The following KDM4C variants were observed in gnomAD, a reference collection of about 807,000 sequenced individuals.
KDM4C encodes lysine demethylase 4C, also known as lysine-specific demethylase 4C.
KDM4C carries 81 observed loss-of-function variants against 129.3 expected under a neutral mutation model. That is an observed-to-expected ratio of 0.63 (90% CI 0.52 to 0.75). The LOEUF (loss-of-function observed/expected upper bound fraction) is 0.75. Among genes scored for constraint, KDM4C ranks in the 30% least tolerant of loss-of-function variants. The probability of loss-of-function intolerance (pLI) is 0.00; values close to 1 mark genes in which losing one functional copy is unlikely to be tolerated. For missense variants in KDM4C, 1,457 were observed against 1,304.0 expected, an observed-to-expected ratio of 1.12 and a Z score of -1.81; for synonymous variants, 573 against 456.1, an observed-to-expected ratio of 1.26 and a Z score of -3.26.
At chr9:6,865,417 T>C (rs963390554) in intron 5 of KDM4C, among the ~76,000 whole-genome samples, 1 of 152,232 alleles carries the variant, frequency 6.6e-6, no homozygotes, top group East Asian at 1.9e-4. Context: ...AGCTTACATA[T>C]AGCTATGTTA....
intron 1 of KDM4C, among the ~76,000 whole-genome samples, chr9:6,763,168 C>T (rs1819920884): frequency 6.6e-6 from 1 of 152,154 alleles, no homozygotes; most frequent in Non-Finnish European, 1.5e-5. Flanking sequence ...GCTCCTGCTT[C>T]AAGGCTGCTT....
intron 4 of KDM4C, chr9:6,835,639 A>G (rs1835744463): frequency 1.3e-6 from 1 of 787,708 alleles, no homozygotes; most frequent in Non-Finnish European, 2.3e-6. Flanking sequence ...TGCAGAAAAC[A>G]AGATGAGATT....
At chr9:7,094,809 C>T (rs1256017867) in intron 17 of KDM4C, among the ~76,000 whole-genome samples, 1 of 152,148 alleles carries the variant, frequency 6.6e-6, no homozygotes, top group Non-Finnish European at 1.5e-5. Flanking sequence ...CATAAATTTC[C>T]TCAATGTGGG....
intron 12 of KDM4C, among the ~76,000 whole-genome samples, chr9:6,995,490 G>A (rs1321574884): frequency 6.6e-6 from 1 of 152,176 alleles, no homozygotes; most frequent in Non-Finnish European, 1.5e-5. Flanking sequence ...GCAATTCACT[G>A]AAACATTATG....
intron 5 of KDM4C, among the ~76,000 whole-genome samples, chr9:6,873,474 AAT>A (rs1255571989): frequency 6.6e-6 from 1 of 152,226 alleles, no homozygotes; most frequent in Non-Finnish European, 1.5e-5. Flanking sequence ...AATGTCTATT[AAT>A]ACATCAGCAG....
At chr9:6,928,542 A>G (rs865914783) in intron 8 of KDM4C, among the ~76,000 whole-genome samples, 7 of 150,542 alleles carry the variant, frequency 4.6e-5, no homozygotes, top group African/African-American at 7.3e-5. Flanking sequence ...GGGTAGTTCT[A>G]TTATCACTTC....
chr9:7,031,022 A>G (rs1587061504), intron 15 of KDM4C, among the ~76,000 whole-genome samples: 1 of 152,268 alleles, frequency 6.6e-6, no homozygotes, highest in South Asian at 2.1e-4. Context: ...TAATAAACAT[A>G]ACATTCTTTT....
chr9:6,907,464 A>G (rs183399573), intron 8 of KDM4C, among the ~76,000 whole-genome samples: 42 of 152,328 alleles, frequency 2.8e-4, no homozygotes, highest in Middle Eastern at 3.4e-3. Flanking sequence ...CTGTACATGT[A>G]GAGCTCTGGA....
intron 8 of KDM4C, among the ~76,000 whole-genome samples, chr9:6,918,321 C>G (rs1446219078): frequency 6.6e-6 from 1 of 152,178 alleles, no homozygotes; most frequent in African/African-American, 2.4e-5. Flanking sequence ...CGGCCTCCAC[C>G]TGCATCTGTG....
In KDM4C at chr9:6,826,103, TG is replaced by T. The variant is rs537928768; in HGVS notation, c.435+11359del. Among the ~76,000 whole-genome samples, 1,281 of 152,288 alleles carry T rather than the reference TG, an allele frequency of 8.4e-3. 10 individuals are homozygous for T. The highest frequency in any genetic ancestry group is 0.013 in the South Asian group (62 of 4,830). On this transcript the variant is annotated intron_variant, in intron 4 of 21. Transcript: ENST00000381309. ...ACGGGATTACTGGCATGAGCTACTG[TG>T]CCTGGCCTTGTGGAGAATCTTAATA...
intron 8 of KDM4C, chr9:6,925,650 G>A: frequency 1.7e-5 from 17 of 985,310 alleles, no homozygotes; most frequent in Non-Finnish European, 2.0e-5. Flanking sequence ...CACCGTTTCA[G>A]AAAGATGCTG....
chr9:6,863,518 T>C (rs865805770), intron 5 of KDM4C, among the ~76,000 whole-genome samples: 22 of 151,982 alleles, frequency 1.4e-4, no homozygotes, highest in African/African-American at 5.3e-4. Context: ...GAGAAGGGGC[T>C]GGGCACCATG....
At chr9:6,954,272 A>G (rs1828686154) in intron 8 of KDM4C, among the ~76,000 whole-genome samples, 1 of 152,156 alleles carries the variant, frequency 6.6e-6, no homozygotes, top group African/African-American at 2.4e-5. Context: ...GACTCTTGGA[A>G]TGTCTGCTTA....
At chr9:6,823,375 G>A (rs945282650) in intron 4 of KDM4C, among the ~76,000 whole-genome samples, 2 of 152,174 alleles carry the variant, frequency 1.3e-5, no homozygotes, top group African/African-American at 4.8e-5. Context: ...TTTGGATTCT[G>A]TAATAAACCT....
intron 1 of KDM4C, chr9:6,735,046 C>T: frequency 2.1e-6 from 1 of 472,140 alleles, no homozygotes; most frequent in South Asian, 1.7e-5. Flanking sequence ...CATGGGTGGT[C>T]AAAGAGATGC....
chr9:7,151,934 G>C (rs1056757386), intron 19 of KDM4C, among the ~76,000 whole-genome samples: 1 of 152,166 alleles, frequency 6.6e-6, no homozygotes, highest in Admixed American at 6.5e-5. Context: ...CACAGAATTG[G>C]TTCTTTCGTT....
chr9:6,735,127 A>G (rs1021198708), intron 1 of KDM4C: 3 of 318,418 alleles, frequency 9.4e-6, no homozygotes, highest in African/African-American at 6.5e-5. Flanking sequence ...ACAATTAGGC[A>G]AAGAGGCTAC....
intron 5 of KDM4C, among the ~76,000 whole-genome samples, chr9:6,866,483 C>T (rs1842005288): frequency 6.6e-6 from 1 of 152,132 alleles, no homozygotes; most frequent in Non-Finnish European, 1.5e-5. Context: ...TGTAGCACTG[C>T]TGAGCTGCCA....
intron 11 of KDM4C, among the ~76,000 whole-genome samples, chr9:6,987,198 C>T (rs1817876100): frequency 6.6e-6 from 1 of 152,136 alleles, no homozygotes; most frequent in South Asian, 2.1e-4. Context: ...TCAGGACTCA[C>T]GTGGTCATGC....
Sources: allele counts gnomAD v4.1 joint callset (sites outside exome capture counted in the v4.1 genomes callset), GRCh38; gene constraint gnomAD v4.1.1; transcripts MANE v1.5; gene names NCBI Gene and HGNC (gene_info 2026-07-23, HGNC 2026-07-21).